FSTL5: variants seen among roughly 807,000 people sequenced by gnomAD.
FSTL5 encodes follistatin-related protein 5.
FSTL5 carries 62 observed loss-of-function variants against 89.1 expected under a neutral mutation model. The observed-to-expected ratio is 0.70, with a 90% CI of 0.57 to 0.86. The LOEUF (loss-of-function observed/expected upper bound fraction) is 0.86, where lower values mean the gene tolerates loss of function less well. Among genes scored for constraint, FSTL5 ranks in the 40% least tolerant of loss-of-function variants. FSTL5 has a pLI of 0.00. For missense variants in FSTL5, 1,057 were observed against 1,001.6 expected (o/e 1.06, Z -0.75); for synonymous variants, 383 against 346.2 (o/e 1.11, Z -1.18).
chr4:161,400,036 ATCTAT>A (rs1731132849), intron 15 of FSTL5, among the ~76,000 whole-genome samples: 2 of 152,238 alleles, frequency 1.3e-5, no homozygotes, highest in African/African-American at 2.4e-5. Context: ...TAGTATCTAA[ATCTAT>A]TATATGCTTC....
At chr4:161,484,337 T>C (rs764406350) in intron 12 of FSTL5, among the ~76,000 whole-genome samples, 1 of 152,174 alleles carries the variant, frequency 6.6e-6, no homozygotes, top group Non-Finnish European at 1.5e-5. Context: ...CCTCAATAAG[T>C]TGCTGTCAGG....
intron 1 of FSTL5, among the ~76,000 whole-genome samples, chr4:162,115,555 C>T (rs1731604794): frequency 1.3e-5 from 2 of 152,178 alleles, no homozygotes; most frequent in Admixed American, 6.5e-5. Flanking sequence ...AACAAACCAG[C>T]TGGAACAGAT....
At chr4:161,773,402 C>G (rs572229509) in intron 5 of FSTL5, among the ~76,000 whole-genome samples, 8 of 152,062 alleles carry the variant, frequency 5.3e-5, no homozygotes, top group African/African-American at 1.9e-4. Flanking sequence ...ACAGAGTAAA[C>G]AGACAACCCA....
rs182464366 is a variant in FSTL5 at position 161,651,288 on chromosome 4, G to A, written c.894+5040C>T. ...AACAGGGATTAATAAAAGATTGCTA[G>A]TCAAGAGAAAAGATAGCATGATTCC... On this transcript the variant is annotated intron_variant, in intron 7 of 15. Coordinates refer to ENST00000306100, the MANE Select transcript of FSTL5 (RefSeq NM_020116.5). Among the ~76,000 whole-genome samples, 903 of 149,114 alleles carry A rather than the reference G, an allele frequency of 6.1e-3. 9 individuals carry two copies. The highest frequency in any genetic ancestry group is 0.046 in the South Asian group (217 of 4,714).
intron 2 of FSTL5, among the ~76,000 whole-genome samples, chr4:162,093,388 T>C (rs1367411630): frequency 1.3e-5 from 2 of 152,166 alleles, no homozygotes; most frequent in Admixed American, 6.6e-5. Context: ...TTCGCTGAGA[T>C]GAAGTTACTA....
At chr4:161,890,098 C>T (rs1732939268) in intron 4 of FSTL5, among the ~76,000 whole-genome samples, 1 of 152,122 alleles carries the variant, frequency 6.6e-6, no homozygotes, top group Admixed American at 6.6e-5. Flanking sequence ...TATTTTTATT[C>T]CTCTTTTCTA....
chr4:161,654,655 T>C (rs1190433203), intron 7 of FSTL5, among the ~76,000 whole-genome samples: 1 of 152,138 alleles, frequency 6.6e-6, no homozygotes, highest in East Asian at 1.9e-4. Flanking sequence ...TAGGAAAATG[T>C]AACCAATAGG....
Position 161,656,475 on chromosome 4 carries a change from C to A in FSTL5, c.747G>T (p.Leu249=). 2 of 1,591,574 alleles carry A rather than the reference C, an allele frequency of 1.3e-6. No individual in the cohort carries two copies. The highest frequency in any genetic ancestry group is 2.3e-5 in the East Asian group (1 of 44,014). ...YRAFQVIQLS[L]PEDQKLSITA... ...TGATGCTTAGTTTCTGATCTTCTGG[C>A]AGACTCAACTGGATCACTTCTGTAA... The change falls in exon 7 of 16, where the codon CTG becomes CTT. Residue 249 remains leucine, a synonymous_variant. Coordinates refer to ENST00000306100, the MANE Select transcript of FSTL5 (RefSeq NM_020116.5).
At chr4:161,787,162 G>C (rs1741934085) in intron 4 of FSTL5, among the ~76,000 whole-genome samples, 1 of 152,078 alleles carries the variant, frequency 6.6e-6, no homozygotes, top group Non-Finnish European at 1.5e-5. Context: ...TATATCTTCA[G>C]TGGATAAATA....
intron 15 of FSTL5, among the ~76,000 whole-genome samples, chr4:161,442,147 GT>G (rs58107906): frequency 4.3e-4 from 62 of 142,790 alleles, no homozygotes; most frequent in African/African-American, 1.1e-3. Flanking sequence ...TCTATAAAAG[GT>G]TTTTTTTTTT....
At chr4:162,128,341 C>T (rs896086890) in intron 1 of FSTL5, among the ~76,000 whole-genome samples, 8 of 152,074 alleles carry the variant, frequency 5.3e-5, no homozygotes, top group African/African-American at 1.9e-4. Context: ...ACTTTGAAAT[C>T]CTAACAACCA....
rs931833137 is a variant in FSTL5 at position 161,640,025 on chromosome 4, T to A, written c.894+16303A>T. 2.8e-4 allele frequency among the ~76,000 whole-genome samples: 42 copies of A among 152,144 alleles called. 1 individual carries two copies. Among genetic ancestry groups the A allele is most frequent in the Admixed American group, 1.3e-3 (20 of 15,270 alleles). ...AAAGATAAGAATTTTCAAAGGAAAT[T>A]TACATACAGAGAAAACTAGAAAGTG... On this transcript the variant is annotated intron_variant, in intron 7 of 15. Coordinates refer to ENST00000306100, the MANE Select transcript of FSTL5 (RefSeq NM_020116.5).
intron 5 of FSTL5, among the ~76,000 whole-genome samples, chr4:161,761,852 T>G (rs1379645729): frequency 6.6e-6 from 1 of 152,190 alleles, no homozygotes; most frequent in African/African-American, 2.4e-5. Flanking sequence ...ATTCTAAATA[T>G]TTCAAATATT....
chr4:161,698,197 T>C (rs187173247), intron 6 of FSTL5, among the ~76,000 whole-genome samples: 274 of 152,208 alleles, frequency 1.8e-3, no homozygotes, highest in African/African-American at 5.6e-3. Flanking sequence ...GTGAAACAAG[T>C]GGGCCCTCAC....
intron 4 of FSTL5, among the ~76,000 whole-genome samples, chr4:161,835,284 C>A (rs359126): frequency 1.9e-3 from 282 of 152,158 alleles, no homozygotes; most frequent in African/African-American, 6.5e-3. Context: ...CTTCCTTACA[C>A]CTTATACAAA....
At chr4:161,798,132 C>T (rs1729689476) in intron 4 of FSTL5, among the ~76,000 whole-genome samples, 1 of 151,556 alleles carries the variant, frequency 6.6e-6, no homozygotes, top group East Asian at 1.9e-4. Flanking sequence ...AAATTTATGG[C>T]ATACAGGTTA....
intron 5 of FSTL5, among the ~76,000 whole-genome samples, chr4:161,762,774 G>A (rs1740852167): frequency 6.6e-6 from 1 of 152,064 alleles, no homozygotes; most frequent in Admixed American, 6.6e-5. Context: ...CAAGGAGTCT[G>A]GTAGCCTTAA....
chr4:161,542,722 A>G, intron 8 of FSTL5, 29 bp from the exon 9 acceptor site: 1 of 1,365,866 alleles, frequency 7.3e-7, no homozygotes, highest in Non-Finnish European at 9.6e-7. Context: ...GAGAAAGTGA[A>G]TTAGTGATTC....
chr4:161,513,273 G>GAGAGAGAGAGAA lies in FSTL5; in HGVS notation c.1313-2850_1313-2849insTTCTCTCTCTCT, dbSNP rs1730709518. The stretch of plus-strand genomic sequence containing the variant: ...CTGAACTGAACCAAACAAGGAGGGG[G>GAGAGAGAGAGAA]AGAGAGAGAGAGAGAGAGAGAGAGA... On this transcript the variant is annotated intron_variant, in intron 10 of 15. Transcript: ENST00000306100. Among the ~76,000 whole-genome samples the GAGAGAGAGAGAA allele has an allele frequency of 3.8e-3, 14 of 3,642 alleles. No homozygotes were observed. In the East Asian group the frequency reaches 0.042, roughly 11 times the overall value. The allele number at this position is 3,642 out of a possible 152,430, so 2.4% of individuals were successfully genotyped here.
Sources: gnomAD v4.1 joint callset for allele counts (sites outside exome capture counted in the v4.1 genomes callset) on GRCh38, gnomAD v4.1.1 for gene constraint, MANE v1.5 for transcripts, NCBI Gene and HGNC (gene_info 2026-07-23, HGNC 2026-07-21) for gene names.